The following CPNE8 variants were observed in gnomAD, a reference collection of about 807,000 sequenced individuals.
CPNE8 encodes copine-8.
Under a neutral mutation model 81.5 loss-of-function variants are expected in CPNE8, and 45 were observed. That is an observed-to-expected ratio of 0.55 (90% CI 0.44 to 0.71). The LOEUF (loss-of-function observed/expected upper bound fraction) is 0.71, where lower values mean the gene tolerates loss of function less well. CPNE8 is among the 30% of genes least tolerant of loss of function. CPNE8 has a pLI of 0.00. For missense variants in CPNE8, 594 were observed against 672.1 expected, an observed-to-expected ratio of 0.88 and a Z score of 1.28; for synonymous variants, 252 against 226.3, an observed-to-expected ratio of 1.11 and a Z score of -1.02.
chr12:38,789,486 A>G (rs1253134779), intron 6 of CPNE8, among the ~76,000 whole-genome samples: 1 of 151,930 alleles, frequency 6.6e-6, no homozygotes, highest in Non-Finnish European at 1.5e-5. Context: ...TCCTCAAATT[A>G]TGAAACTATG....
At chr12:38,863,917 G>T (rs1440311324) in intron 3 of CPNE8, among the ~76,000 whole-genome samples, 2 of 152,100 alleles carry the variant, frequency 1.3e-5, no homozygotes, top group Non-Finnish European at 2.9e-5. Context: ...AGCCTGGCAT[G>T]GTGGCGGGCG....
rs569294046 is a variant in CPNE8 at position 38,701,367 on chromosome 12, T to C, written c.961+1508A>G. ...TCAATGTTTCTTCTCAAATCAAAAA[T>C]GTTTGTCTTTTTATTTAATAATTTC... is the stretch of plus-strand genomic sequence containing the variant. On this transcript the variant is annotated intron_variant, in intron 14 of 19. Coordinates refer to ENST00000331366, the MANE Select transcript of CPNE8 (RefSeq NM_153634.3). Among the ~76,000 whole-genome samples, 19 of 152,310 alleles carry C rather than the reference T, an allele frequency of 1.2e-4. No individual in the cohort carries two copies. The East Asian group carries it at 3.5e-3, about 28-fold the overall frequency.
Position 38,792,789 on chromosome 12 carries a change from G to A in CPNE8, c.408-16488C>T, listed in dbSNP as rs541549114. 7.9e-5 allele frequency among the ~76,000 whole-genome samples: 12 copies of A among 151,736 alleles called. 1 individual carries two copies. The South Asian group carries it at 1.9e-3, about 24-fold the overall frequency. ...CAAAACACTATACAAAGAAGAGAAC[G>A]TTATAGATCAATATCCCTGATGAAT... On this transcript the variant is annotated intron_variant, in intron 6 of 19. Coordinates refer to ENST00000331366, the MANE Select transcript of CPNE8 (RefSeq NM_153634.3).
At chr12:38,655,623 A>C (rs1203890231) in intron 19 of CPNE8, among the ~76,000 whole-genome samples, 1 of 152,172 alleles carries the variant, frequency 6.6e-6, no homozygotes, top group African/African-American at 2.4e-5. Context: ...TTTTTTATTT[A>C]AAGTTATTCA....
intron 10 of CPNE8, among the ~76,000 whole-genome samples, chr12:38,748,945 T>C (rs2136818498): frequency 6.6e-6 from 1 of 152,330 alleles, no homozygotes; most frequent in Admixed American, 6.5e-5. Context: ...AGTTTAAATG[T>C]TATTTGTTAT....
intron 10 of CPNE8, among the ~76,000 whole-genome samples, chr12:38,733,323 C>T (rs1940879468): frequency 6.6e-6 from 1 of 151,834 alleles, no homozygotes; most frequent in African/African-American, 2.4e-5. Flanking sequence ...GTATTTTTCA[C>T]TGATTTTTAT....
At chr12:38,826,677 T>C (rs2137016589) in intron 6 of CPNE8, among the ~76,000 whole-genome samples, 1 of 152,284 alleles carries the variant, frequency 6.6e-6, no homozygotes, top group South Asian at 2.1e-4. Context: ...TGCTATGTTC[T>C]ATTCACCACA....
intron 6 of CPNE8, among the ~76,000 whole-genome samples, chr12:38,787,881 A>G (rs1420508772): frequency 1.3e-5 from 2 of 150,024 alleles, no homozygotes; most frequent in Non-Finnish European, 3.0e-5. Flanking sequence ...ACAATCTACC[A>G]TGATTGAAAC....
chr12:38,792,677 C>A (rs538905263), intron 6 of CPNE8, among the ~76,000 whole-genome samples: 128 of 151,842 alleles, frequency 8.4e-4, no homozygotes, highest in African/African-American at 2.5e-3. Context: ...CACCAGTCTT[C>A]CTGAAACACT....
chr12:38,722,880 A>C (rs1489376248), intron 13 of CPNE8, among the ~76,000 whole-genome samples: 1 of 152,150 alleles, frequency 6.6e-6, no homozygotes, highest in South Asian at 2.1e-4. Flanking sequence ...TGCTGTTCTC[A>C]TGATAGTAAG....
At chr12:38,874,156 T>G (rs1324459787) in intron 2 of CPNE8, among the ~76,000 whole-genome samples, 1 of 152,138 alleles carries the variant, frequency 6.6e-6, no homozygotes, top group African/African-American at 2.4e-5. Flanking sequence ...TGTGACTAAA[T>G]AACTTTAAAT....
At chr12:38,749,101 G>C (rs1941299440) in intron 10 of CPNE8, among the ~76,000 whole-genome samples, 1 of 152,086 alleles carries the variant, frequency 6.6e-6, no homozygotes, top group Admixed American at 6.5e-5. Flanking sequence ...ATTAAATCAT[G>C]GGGGCGGGTC....
intron 13 of CPNE8, 44 bp from the exon 14 acceptor site, chr12:38,702,965 G>C: frequency 2.4e-6 from 3 of 1,272,314 alleles, no homozygotes; most frequent in Non-Finnish European, 3.3e-6. Context: ...GAAATAACCT[G>C]ATAAAAGGAG....
intron 1 of CPNE8, among the ~76,000 whole-genome samples, chr12:38,894,009 C>G (rs1565666290): frequency 6.6e-6 from 1 of 151,982 alleles, no homozygotes; most frequent in Admixed American, 6.6e-5. Flanking sequence ...AAGTATGTCC[C>G]CATTTTATTT....
intron 3 of CPNE8, among the ~76,000 whole-genome samples, chr12:38,860,385 C>CAA (rs36025286): frequency 0.64 from 70,878 of 111,018 alleles, 25,051 homozygotes; most frequent in Non-Finnish European, 0.8. Flanking sequence ...TGGCTATTAT[C>CAA]AAAAAAAAAA....
At chr12:38,700,976 A>G (rs926571224) in intron 14 of CPNE8, among the ~76,000 whole-genome samples, 29 of 152,270 alleles carry the variant, frequency 1.9e-4, no homozygotes, top group African/African-American at 6.7e-4. Context: ...TAAATTACCC[A>G]GTCTTGGGTA....
At chr12:38,656,252 G>A (rs1938815362) in intron 19 of CPNE8, among the ~76,000 whole-genome samples, 1 of 150,904 alleles carries the variant, frequency 6.6e-6, no homozygotes, top group South Asian at 2.1e-4. Flanking sequence ...TATTCTAGAA[G>A]GTATAATGCT....
chr12:38,738,879 T>C (rs1345591414), intron 10 of CPNE8, among the ~76,000 whole-genome samples: 2 of 150,544 alleles, frequency 1.3e-5, no homozygotes, highest in Non-Finnish European at 2.9e-5. Context: ...AGTGGCATGA[T>C]CTTGGTTCAC....
chr12:38,657,778 A>G (rs1938855302), intron 19 of CPNE8, among the ~76,000 whole-genome samples: 1 of 152,204 alleles, frequency 6.6e-6, no homozygotes, highest in Non-Finnish European at 1.5e-5. Flanking sequence ...GTGGACCCCC[A>G]GCAAACTCTA....
Sources: gnomAD v4.1 joint callset for allele counts (sites outside exome capture counted in the v4.1 genomes callset) on GRCh38, gnomAD v4.1.1 for gene constraint, MANE v1.5 for transcripts, NCBI Gene and HGNC (gene_info 2026-07-23, HGNC 2026-07-21) for gene names.